The following MTMR9 variants were observed in gnomAD, a reference collection of about 807,000 sequenced individuals.
MTMR9 encodes the protein myotubularin related protein 9.
In MTMR9, 39 loss-of-function variants were observed where a neutral mutation model predicts 69.5. That is an observed-to-expected ratio of 0.56 (90% CI 0.43 to 0.73). The LOEUF is 0.73. Ranked by LOEUF, MTMR9 falls within the 30% of genes least tolerant of loss-of-function variation. The probability of loss-of-function intolerance (pLI) is 0.00; values close to 1 mark genes in which losing one functional copy is unlikely to be tolerated. For missense variants in MTMR9, 900 were observed against 671.2 expected (o/e 1.34, Z -3.77); for synonymous variants, 354 against 240.8 (o/e 1.47, Z -4.35).
chr8:11,305,055 G>C (rs751341734), intron 4 of MTMR9, 41 bp downstream of exon 4: 4 of 1,580,644 alleles, frequency 2.5e-6, no homozygotes, highest in Non-Finnish European at 3.5e-6. Flanking sequence ...TGAAAGGCTT[G>C]GGTTGGGGAT....
In MTMR9 at chr8:11,289,197, A is replaced by C. The variant is rs150562653; in HGVS notation, c.182+4127A>C. 2.3e-3 allele frequency among the ~76,000 whole-genome samples: 341 copies of C among 151,554 alleles called. 1 individual carries two copies. Among genetic ancestry groups the C allele is most frequent in the African/African-American group, 8.0e-3 (329 of 41,012 alleles). On this transcript the variant is annotated intron_variant, in intron 1 of 9. Transcript: ENST00000221086. ...CAAAACAAACAAACAAACAAACAAA[A>C]AACAGTAGTGTAGTCACAAGGAATC...
Position 11,319,772 on chromosome 8 carries a change from C to T in MTMR9, c.1420C>T (p.Leu474Phe), listed in dbSNP as rs770231074. The T allele has an allele frequency of 1.9e-6, 3 of 1,614,174 alleles. No homozygotes were observed. Among genetic ancestry groups the T allele is most frequent in the Non-Finnish European group, 2.5e-6 (3 of 1,180,016 alleles). ...PSELSKFTNP[L>F]FEANNLVIWP... ...TGAGCTGAGTAAATTCACCAATCCC[C>T]TCTTTGAAGCCAACAACCTTGTCAT... is the stretch of plus-strand genomic sequence containing the variant. Residue 474 changes from leucine to phenylalanine, a missense_variant, in exon 9 of 10, where the codon CTC becomes TTC. By Grantham distance (22) the Leu-to-Phe change is conservative. Coordinates refer to ENST00000221086, the MANE Select transcript of MTMR9 (RefSeq NM_015458.4).
At chr8:11,322,259 T>C (rs1407846360) in intron 9 of MTMR9, among the ~76,000 whole-genome samples, 1 of 152,242 alleles carries the variant, frequency 6.6e-6, no homozygotes, top group East Asian at 1.9e-4. Context: ...TATTCTATAA[T>C]TATAAAAATA....
intron 3 of MTMR9, among the ~76,000 whole-genome samples, chr8:11,304,344 C>T (rs1394846107): frequency 2.0e-5 from 3 of 152,090 alleles, no homozygotes; most frequent in African/African-American, 4.8e-5. Context: ...TATCTGGAGT[C>T]GTACAGTCTT....
downstream of MTMR9, among the ~76,000 whole-genome samples, chr8:11,330,045 G>A (rs1409964870): frequency 3.4e-5 from 5 of 148,816 alleles, no homozygotes; most frequent in Admixed American, 6.6e-5. Context: ...CCCGGCAGCC[G>A]CCCCGTCTGG....
intron 1 of MTMR9, among the ~76,000 whole-genome samples, chr8:11,294,264 GT>G (rs1364997884): frequency 6.6e-6 from 1 of 152,126 alleles, no homozygotes; most frequent in Non-Finnish European, 1.5e-5. Flanking sequence ...TGAGTGCAAT[GT>G]TGACTAGAAG....
rs1171346576 is a variant in MTMR9, at chr8:11,324,810, T to A, written c.*2022T>A. On this transcript the variant is annotated 3_prime_UTR_variant, in exon 10 of 10. Coordinates refer to ENST00000221086, the MANE Select transcript of MTMR9 (RefSeq NM_015458.4). ...AGGTTGAGGCTGCAGTGAGCTATGATCGCATCAGTCCACTCCAGCCTGAGC... is the reference window on the plus strand; with the variant it reads ...AGGTTGAGGCTGCAGTGAGCTATGAACGCATCAGTCCACTCCAGCCTGAGC... 3 of 152,262 alleles carry A rather than the reference T, an allele frequency of 2.0e-5. No homozygotes were observed. Among genetic ancestry groups the A allele is most frequent in the Non-Finnish European group, 4.4e-5 (3 of 68,128 alleles). 9.4% of individuals were successfully genotyped at this position (152,262 alleles called of 1,614,324 possible). A position where few individuals can be genotyped will look rare whatever the true frequency, so the allele number is the denominator to read the frequency against.
At chr8:11,304,711 C>T (rs1799876444) in intron 3 of MTMR9, 130 bp from the exon 4 acceptor site, 1 of 864,058 alleles carries the variant, frequency 1.2e-6, no homozygotes, top group South Asian at 1.7e-5. Context: ...GCTAGAGATC[C>T]ACCTGTGAAA....
intron 1 of MTMR9, among the ~76,000 whole-genome samples, chr8:11,289,482 C>T (rs1324173764): frequency 6.6e-6 from 1 of 151,558 alleles, no homozygotes; most frequent in Non-Finnish European, 1.5e-5. Context: ...TACAGTTATA[C>T]CTGGTTTTTT....
chr8:11,304,425 C>T (rs1483300751), intron 3 of MTMR9, among the ~76,000 whole-genome samples: 2 of 152,094 alleles, frequency 1.3e-5, no homozygotes, highest in Non-Finnish European at 2.9e-5. Context: ...ATGATGTTGG[C>T]CGTGATAATT....
chr8:11,330,446 T>G (rs545220537), downstream of MTMR9, among the ~76,000 whole-genome samples: 1,256 of 152,308 alleles, frequency 8.2e-3, 12 homozygotes, highest in Non-Finnish European at 0.012. Flanking sequence ...GAACGGGCCA[T>G]GATGACGATG....
At chr8:11,299,298 C>G (rs989149274) in intron 2 of MTMR9, among the ~76,000 whole-genome samples, 3 of 152,164 alleles carry the variant, frequency 2.0e-5, no homozygotes, top group African/African-American at 7.2e-5. Context: ...CCATTCTAGC[C>G]TGGGTGACAA....
intron 5 of MTMR9, among the ~76,000 whole-genome samples, chr8:11,307,827 C>T (rs1241829757): frequency 2.0e-5 from 3 of 151,834 alleles, no homozygotes; most frequent in Admixed American, 6.6e-5. Context: ...TTTTCAAATA[C>T]CTATTGGCCA....
chr8:11,320,081 G>T, intron 9 of MTMR9: 1 of 414,644 alleles, frequency 2.4e-6, no homozygotes, highest in Non-Finnish European at 4.3e-6. Context: ...GTTTATGTTG[G>T]ATATTTTTCT....
rs1240524150 is a variant in MTMR9, at chr8:11,300,134, C to T, written c.403C>T (p.Leu135Phe). 6.2e-7 allele frequency: 1 copy of T among 1,613,096 alleles called. No homozygotes were observed. Among genetic ancestry groups the T allele is most frequent in the Non-Finnish European group, 8.5e-7 (1 of 1,179,314 alleles). Reference sequence around the variant, plus strand: ...CTTCCTTCCTGAGCAAGAATTTGAACTCTATTCTTCAGCTGTGAGTTAACT... The same window carrying T: ...CTTCCTTCCTGAGCAAGAATTTGAATTCTATTCTTCAGCTGTGAGTTAACT... Reference protein sequence around the residue: ...HSFLPEQEFELYSSATSEWRL... With the variant: ...HSFLPEQEFEFYSSATSEWRL... The change falls in exon 3 of 10, where the codon CTC (leucine) becomes TTC (phenylalanine). Residue 135 changes from leucine to phenylalanine, a missense_variant. Transcript: ENST00000221086.
Position 11,285,947 on chromosome 8 carries a change from TC to T in MTMR9, c.182+878del, listed in dbSNP as rs1296035161. Among the ~76,000 whole-genome samples, 465 of 145,274 alleles carry T rather than the reference TC, an allele frequency of 3.2e-3. 2 individuals are homozygous for T. Among genetic ancestry groups the T allele is most frequent in the African/African-American group, 0.011 (393 of 37,386 alleles). ...TAAAATAATAATCTCTTTCTTTCTT[TC>T]TTTTTTTTTTTTTTTTTTTTTTGGA... is the stretch of plus-strand genomic sequence containing the variant. On this transcript the variant is annotated intron_variant, in intron 1 of 9. Coordinates refer to ENST00000221086, the MANE Select transcript of MTMR9 (RefSeq NM_015458.4).
chr8:11,294,518 T>TTTTTTTA (rs1799480036), intron 1 of MTMR9, among the ~76,000 whole-genome samples: 1 of 129,400 alleles, frequency 7.7e-6, no homozygotes, highest in African/African-American at 2.8e-5. Context: ...TTTTTTTTTT[T>TTTTTTTA]GAGACAGAGT....
chr8:11,331,903 C>T (rs148274794), downstream of MTMR9: 24 of 1,611,926 alleles, frequency 1.5e-5, no homozygotes, highest in Admixed American at 3.3e-5. Context: ...GCCTTGGTCT[C>T]CTTCACATGT....
chr8:11,315,166 T>C, intron 7 of MTMR9, 102 bp downstream of exon 7: 1 of 1,430,202 alleles, frequency 7.0e-7, no homozygotes, highest in Non-Finnish European at 9.6e-7. Flanking sequence ...TTGATTAAAA[T>C]TTCTAAGTTG....
Sources: allele counts gnomAD v4.1 joint callset (sites outside exome capture counted in the v4.1 genomes callset), GRCh38; gene constraint gnomAD v4.1.1; transcripts MANE v1.5; gene names NCBI Gene and HGNC (gene_info 2026-07-23, HGNC 2026-07-21).